Variants in PALM2AKAP2 observed in about 807,000 individuals in gnomAD.
The protein encoded by PALM2AKAP2 is PALM2-AKAP2 fusion protein.
PALM2AKAP2 carries 37 observed loss-of-function variants against 71.5 expected under a neutral mutation model. The observed-to-expected ratio is 0.52, with a 90% CI of 0.40 to 0.68. PALM2AKAP2 has a LOEUF of 0.68. Among genes scored for constraint, PALM2AKAP2 ranks in the 30% least tolerant of loss-of-function variants. The pLI is 0.00. For missense variants in PALM2AKAP2, 1,224 were observed against 1,191.8 expected (o/e 1.03, Z -0.40); for synonymous variants, 468 against 478.8 (o/e 0.98, Z 0.29).
intron 1 of PALM2AKAP2, among the ~76,000 whole-genome samples, chr9:109,774,949 C>G (rs750187560): frequency 4.9e-4 from 74 of 152,346 alleles, no homozygotes; most frequent in Middle Eastern, 3.4e-3. Context: ...TTGTCATTAA[C>G]AGGACTACCA....
chr9:110,001,486 T>G (rs1031914210), intron 6 of PALM2AKAP2, among the ~76,000 whole-genome samples: 30 of 152,254 alleles, frequency 2.0e-4, no homozygotes, highest in African/African-American at 6.0e-4. Flanking sequence ...AGGATTGACT[T>G]GGCAATGCAG....
intron 2 of PALM2AKAP2, among the ~76,000 whole-genome samples, chr9:110,139,919 C>T (rs1835985170): frequency 6.6e-6 from 1 of 152,178 alleles, no homozygotes. Context: ...GCTGTGTTCT[C>T]ACTGTATCCA....
At chr9:110,132,664 G>A (rs1280206398) in intron 1 of PALM2AKAP2, among the ~76,000 whole-genome samples, 2 of 151,888 alleles carry the variant, frequency 1.3e-5, no homozygotes, top group Non-Finnish European at 2.9e-5. Context: ...CACCCAGACT[G>A]GAATGCAGTG....
intron 6 of PALM2AKAP2, chr9:109,946,667 C>G (rs1588026728): frequency 1.4e-5 from 1 of 73,414 alleles, no homozygotes; most frequent in African/African-American, 5.5e-5. Flanking sequence ...GCCTGGGCAA[C>G]AAAGAGCGAA....
chr9:109,930,228 C>G (rs1564216380), intron 5 of PALM2AKAP2, among the ~76,000 whole-genome samples: 2 of 146,310 alleles, frequency 1.4e-5, no homozygotes, highest in East Asian at 4.1e-4. Context: ...ATGGAAAAAT[C>G]TATTTTTTTT....
At chr9:109,779,308 T>G (rs950964754), upstream of PALM2AKAP2, among the ~76,000 whole-genome samples, 3 of 152,204 alleles carry the variant, frequency 2.0e-5, no homozygotes, top group Non-Finnish European at 4.4e-5. Flanking sequence ...AAGACTCACA[T>G]TAGTACCACA....
At chr9:109,928,934 T>G (rs1831022684) in intron 5 of PALM2AKAP2, among the ~76,000 whole-genome samples, 1 of 152,140 alleles carries the variant, frequency 6.6e-6, no homozygotes, top group South Asian at 2.1e-4. Flanking sequence ...CCCAAAGTGT[T>G]GGGTTTACAG....
intron 1 of PALM2AKAP2, among the ~76,000 whole-genome samples, chr9:110,088,844 C>G (rs1834640658): frequency 6.6e-6 from 1 of 150,806 alleles, no homozygotes; most frequent in African/African-American, 2.4e-5. Flanking sequence ...CTCAGCCTCC[C>G]AAGTAGCTGG....
chr9:109,787,580 G>C (rs1250397484), intron 1 of PALM2AKAP2, among the ~76,000 whole-genome samples: 1 of 152,086 alleles, frequency 6.6e-6, no homozygotes, highest in African/African-American at 2.4e-5. Flanking sequence ...TGTAAATGAG[G>C]GACACAGATT....
At chr9:109,889,387 C>G (rs369524638) in intron 3 of PALM2AKAP2, among the ~76,000 whole-genome samples, 2 of 152,128 alleles carry the variant, frequency 1.3e-5, no homozygotes, top group East Asian at 3.8e-4. Flanking sequence ...CAGTCTCTCC[C>G]CAAAGCCTGA....
chr9:110,017,746 T>A (rs1257533674), intron 7 of PALM2AKAP2, among the ~76,000 whole-genome samples: 3 of 146,970 alleles, frequency 2.0e-5, no homozygotes, highest in Non-Finnish European at 3.0e-5. Context: ...TTTTTTTTTT[T>A]AAGACGGAGT....
chr9:110,075,387 T>A (rs1415230045), intron 1 of PALM2AKAP2, among the ~76,000 whole-genome samples: 3 of 152,336 alleles, frequency 2.0e-5, no homozygotes, highest in South Asian at 4.1e-4. Context: ...CATAAAAACA[T>A]ATAATTTCCC....
chr9:110,053,644 C>T (rs976538895), intron 1 of PALM2AKAP2, among the ~76,000 whole-genome samples: 13 of 152,092 alleles, frequency 8.5e-5, no homozygotes, highest in African/African-American at 2.7e-4. Context: ...CCGCATAGGC[C>T]GTGCAACTGG....
chr9:109,811,811 C>T (rs1046285871), intron 1 of PALM2AKAP2, among the ~76,000 whole-genome samples: 1 of 152,176 alleles, frequency 6.6e-6, no homozygotes, highest in Non-Finnish European at 1.5e-5. Context: ...GGCCTCAAGC[C>T]ATCCTCCTAC....
rs868753198 is a variant in PALM2AKAP2, at chr9:110,014,826, A to G, written c.497-1128A>G. Among the ~76,000 whole-genome samples, 81 of 113,458 alleles carry G rather than the reference A, an allele frequency of 7.1e-4. 1 individual carries two copies. Among genetic ancestry groups the G allele is most frequent in the African/African-American group, 2.4e-3 (73 of 30,176 alleles). 74.4% of individuals were successfully genotyped at this position (113,458 alleles called of 152,430 possible). A position where few individuals can be genotyped will look rare whatever the true frequency, so the allele number is the denominator to read the frequency against. ...AAAATGTATATATATATATATATAT[A>G]TATATATATATATATATATATATAT... On this transcript the variant is annotated intron_variant, in intron 6 of 9. Transcript: ENST00000302798.
In PALM2AKAP2 at chr9:110,144,102, G is replaced by A. The variant is rs537519492; in HGVS notation, c.2569+5563G>A. Among the ~76,000 whole-genome samples, 171 of 152,368 alleles carry A rather than the reference G, an allele frequency of 1.1e-3. 1 individual carries two copies. The highest frequency in any genetic ancestry group is 3.9e-3 in the African/African-American group (162 of 41,594). The stretch of plus-strand genomic sequence containing the variant: ...ACACATTCTTCATGAAGCAGAGCTT[G>A]GTGGAGTGTGCCATGCTAAATTAGA... On this transcript the variant is annotated intron_variant, in intron 2 of 3. Coordinates refer to ENST00000374525, the Ensembl canonical transcript of PALM2AKAP2.
At chr9:110,074,023 A>C (rs1276807190) in intron 1 of PALM2AKAP2, among the ~76,000 whole-genome samples, 3 of 152,214 alleles carry the variant, frequency 2.0e-5, no homozygotes, top group Non-Finnish European at 4.4e-5. Flanking sequence ...ACCATTAGTA[A>C]TTGGACAAAT....
intron 3 of PALM2AKAP2, among the ~76,000 whole-genome samples, chr9:109,898,688 A>G (rs1409462202): frequency 6.6e-6 from 1 of 152,192 alleles, no homozygotes; most frequent in Non-Finnish European, 1.5e-5. Flanking sequence ...GCCATTTGTT[A>G]AAAAACACTT....
chr9:110,055,005 C>T (rs908964562), intron 1 of PALM2AKAP2, among the ~76,000 whole-genome samples: 2 of 152,116 alleles, frequency 1.3e-5, no homozygotes, highest in African/African-American at 2.4e-5. Flanking sequence ...GACTGCCCCC[C>T]GCCCCTACCC....
Sources: allele counts gnomAD v4.1 joint callset (sites outside exome capture counted in the v4.1 genomes callset), GRCh38; gene constraint gnomAD v4.1.1; transcripts MANE v1.5; gene names NCBI Gene and HGNC (gene_info 2026-07-23, HGNC 2026-07-21).